Variants in INTU observed in about 807,000 individuals in gnomAD.
The protein encoded by INTU is inturned planar cell polarity protein.
INTU carries 68 observed loss-of-function variants against 100.5 expected under a neutral mutation model. The ratio of observed to expected loss-of-function variants is 0.68; its 90% CI spans 0.56 to 0.83. The LOEUF (loss-of-function observed/expected upper bound fraction) is 0.83. INTU is among the 40% of genes least tolerant of loss of function. The pLI is 0.00. For synonymous variants in INTU, 357 were observed against 395.7 expected, an observed-to-expected ratio of 0.90 and a Z score of 1.16; for missense variants, 1,071 against 1,114.7, an observed-to-expected ratio of 0.96 and a Z score of 0.56.
intron 2 of INTU, among the ~76,000 whole-genome samples, chr4:127,652,040 G>C (rs537290013): frequency 0.025 from 3,587 of 143,836 alleles, 155 homozygotes; most frequent in African/African-American, 0.089. Context: ...TGGTGTATAA[G>C]AATGCTTGTG....
chr4:127,673,991 G>A, intron 5 of INTU, 133 bp from the exon 6 acceptor site: 1 of 469,768 alleles, frequency 2.1e-6, no homozygotes. Flanking sequence ...TATGTGACAG[G>A]AATATGAAAA....
intron 2 of INTU, among the ~76,000 whole-genome samples, chr4:127,653,815 A>G (rs1030630610): frequency 4.0e-5 from 6 of 151,722 alleles, no homozygotes; most frequent in Admixed American, 3.9e-4. Context: ...TAATGTTGAC[A>G]GTGGGGTGTT....
Position 127,643,918 on chromosome 4 carries a change from C to A in INTU, c.544C>A (p.Leu182Met), listed in dbSNP as rs892735186. Residue 182 changes from leucine to methionine, a missense_variant, in exon 2 of 16, where the codon CTG (leucine) becomes ATG (methionine). Leu to Met is a conservative substitution (Grantham distance 15). Transcript: ENST00000335251. ...VIKAKEQLKL[L>M]EVLVGIIHQT... Reference sequence around the variant, plus strand: ...CAAAGCCAAAGAGCAGCTCAAGCTTCTGGAAGTGCTGGTTGGAATTATTCA... The same window carrying A: ...CAAAGCCAAAGAGCAGCTCAAGCTTATGGAAGTGCTGGTTGGAATTATTCA... 6.2e-7 allele frequency: 1 copy of A among 1,614,122 alleles called. No individual in the cohort carries two copies. The highest frequency in any genetic ancestry group is 2.2e-5 in the East Asian group (1 of 44,876).
intron 6 of INTU, among the ~76,000 whole-genome samples, chr4:127,677,785 A>AGACG (rs1729298132): frequency 6.6e-6 from 1 of 152,250 alleles, no homozygotes; most frequent in Non-Finnish European, 1.5e-5. Context: ...AGAAGGCTTC[A>AGACG]GACGATCAAA....
At chr4:127,710,558 G>T (rs1032258778) in intron 13 of INTU, among the ~76,000 whole-genome samples, 1 of 152,002 alleles carries the variant, frequency 6.6e-6, no homozygotes, top group African/African-American at 2.4e-5. Flanking sequence ...TAGCTATCTG[G>T]GCCAGACACG....
chr4:127,669,943 A>G (rs1728850161), intron 5 of INTU, among the ~76,000 whole-genome samples: 1 of 151,936 alleles, frequency 6.6e-6, no homozygotes, highest in African/African-American at 2.4e-5. Flanking sequence ...AGCAAAACCA[A>G]AAATAGACAA....
chr4:127,688,330 G>A (rs1729928414), intron 8 of INTU, among the ~76,000 whole-genome samples: 1 of 152,098 alleles, frequency 6.6e-6, no homozygotes, highest in South Asian at 2.1e-4. Context: ...CTTGTCCCAT[G>A]GATCGCATAC....
At chr4:127,676,028 G>C (rs1262193152) in intron 6 of INTU, 1 of 189,936 alleles carries the variant, frequency 5.3e-6, no homozygotes, top group African/African-American at 2.3e-5. Flanking sequence ...TCCAAAGATG[G>C]CTACAGTGAA....
At chr4:127,677,630 A>G (rs1281479841) in intron 6 of INTU, among the ~76,000 whole-genome samples, 3 of 152,150 alleles carry the variant, frequency 2.0e-5, no homozygotes, top group Non-Finnish European at 2.9e-5. Flanking sequence ...CCAAAAGTAG[A>G]TAAAACCACA....
chr4:127,682,185 A>G (rs1286780146), intron 6 of INTU, among the ~76,000 whole-genome samples: 1 of 152,122 alleles, frequency 6.6e-6, no homozygotes, highest in East Asian at 1.9e-4. Context: ...CCCTTGTGGA[A>G]GTCAGTGTGG....
chr4:127,638,331 A>G (rs1460765266), intron 1 of INTU, among the ~76,000 whole-genome samples: 3 of 152,158 alleles, frequency 2.0e-5, no homozygotes, highest in Admixed American at 2.0e-4. Context: ...ACTAAGAAAA[A>G]AAGAAAAAAG....
intron 8 of INTU, 123 bp from the exon 9 acceptor site, chr4:127,699,887 C>T: frequency 1.7e-6 from 1 of 594,808 alleles, no homozygotes; most frequent in Non-Finnish European, 2.9e-6. Context: ...TCCTAAGTAA[C>T]ACAAAAGAGA....
intron 3 of INTU, among the ~76,000 whole-genome samples, chr4:127,657,791 C>G (rs542942655): frequency 2.5e-4 from 38 of 151,906 alleles, no homozygotes; most frequent in African/African-American, 8.9e-4. Flanking sequence ...TCAGGGTTCC[C>G]ACTGATTCTA....
chr4:127,714,243 C>A, intron 15 of INTU, 150 bp downstream of exon 15: 1 of 499,960 alleles, frequency 2.0e-6, no homozygotes, highest in Non-Finnish European at 3.4e-6. Flanking sequence ...TAAGTATCTC[C>A]TTTAAATCCC....
At chr4:127,708,024 G>A (rs1458564893) in intron 12 of INTU, among the ~76,000 whole-genome samples, 4 of 152,114 alleles carry the variant, frequency 2.6e-5, no homozygotes, top group African/African-American at 9.7e-5. Flanking sequence ...AATACTTTTG[G>A]ACCCCTAAGT....
chr4:127,677,718 C>G (rs375384157), intron 6 of INTU, among the ~76,000 whole-genome samples: 1 of 152,110 alleles, frequency 6.6e-6, no homozygotes, highest in Admixed American at 6.5e-5. Flanking sequence ...AGGAACGCAG[C>G]TCCTCACCAG....
intron 11 of INTU, 95 bp from the exon 12 acceptor site, chr4:127,706,390 CCT>C (rs1730878517): frequency 3.1e-6 from 3 of 974,894 alleles, no homozygotes; most frequent in Non-Finnish European, 3.0e-6. Context: ...ATGCCATAGG[CCT>C]CTATGTCTTC....
At position 127,674,299 on chromosome 4, in the gene INTU, G is replaced by A. The variant is rs1578579275; in HGVS notation, c.1181+86G>A. 8.6e-6 allele frequency: 9 copies of A among 1,042,516 alleles called. No individual in the cohort carries two copies. The East Asian group carries it at 2.2e-4, about 26-fold the overall frequency. The allele number at this position is 1,042,516 out of a possible 1,614,324, so 64.6% of individuals were successfully genotyped here. A position where few individuals can be genotyped will look rare whatever the true frequency, so the allele number is the denominator to read the frequency against. On this transcript the variant is annotated intron_variant, in intron 6 of 15. Coordinates refer to ENST00000335251, the MANE Select transcript of INTU (RefSeq NM_015693.4). ...TAAAATTATTACATTTTTGTCAAAAGACAAACTCCTTGAACAGTTTTACAG... is the reference window on the plus strand; with the variant it reads ...TAAAATTATTACATTTTTGTCAAAAAACAAACTCCTTGAACAGTTTTACAG...
rs187381494 is a variant in INTU at position 127,674,596 on chromosome 4, C to T, written c.1181+383C>T. 3.3e-3 allele frequency among the ~76,000 whole-genome samples: 496 copies of T among 152,198 alleles called. 4 individuals carry two copies. The highest frequency in any genetic ancestry group is 0.011 in the African/African-American group (465 of 41,516). ...AAGGGTCAGCAGAAGGGTATTTTGC[C>T]CTGATGTTGAGCATCTTTGACAAAA... On this transcript the variant is annotated intron_variant, in intron 6 of 15. Coordinates refer to ENST00000335251, the MANE Select transcript of INTU (RefSeq NM_015693.4).
Sources: gnomAD v4.1 joint callset for allele counts (sites outside exome capture counted in the v4.1 genomes callset) on GRCh38, gnomAD v4.1.1 for gene constraint, MANE v1.5 for transcripts, NCBI Gene and HGNC (gene_info 2026-07-23, HGNC 2026-07-21) for gene names.